Variants in PACRG observed in about 807,000 individuals in gnomAD.
PACRG encodes parkin coregulated.
In PACRG, 29 loss-of-function variants were observed where a neutral mutation model predicts 29.7. That is an observed-to-expected ratio of 0.98 (90% CI 0.73 to 1.33). PACRG has a LOEUF of 1.33. Among genes scored for constraint, PACRG ranks in the 40% most tolerant of loss-of-function variants. The pLI is 0.00. For synonymous variants in PACRG, 116 were observed against 118.7 expected (o/e 0.98, Z 0.15); for missense variants, 279 against 316.2 (o/e 0.88, Z 0.89).
chr6:163,310,489 C>T (rs1388563022), intron 4 of PACRG: 1 of 152,182 alleles, frequency 6.6e-6, no homozygotes, highest in Non-Finnish European at 1.5e-5. Flanking sequence ...GCTTAGTCTA[C>T]AGGGAGGACA....
intron 4 of PACRG, chr6:163,182,660 AAG>A (rs1165306942): frequency 1.3e-5 from 2 of 152,260 alleles, no homozygotes; most frequent in Non-Finnish European, 2.9e-5. Context: ...ATCCTTATGA[AAG>A]AGTAATTTCT....
chr6:162,731,680 C>A (rs1459440674), intron 1 of PACRG, among the ~76,000 whole-genome samples: 2 of 151,896 alleles, frequency 1.3e-5, no homozygotes, highest in Non-Finnish European at 2.9e-5. Flanking sequence ...ACTTCTGGTC[C>A]CAAGCATTTC....
intron 2 of PACRG, among the ~76,000 whole-genome samples, chr6:162,908,486 A>G (rs112756129): frequency 2.0e-5 from 3 of 152,284 alleles, no homozygotes; most frequent in African/African-American, 7.2e-5. Flanking sequence ...TTTTATCACA[A>G]TGCATCACTC....
intron 2 of PACRG, among the ~76,000 whole-genome samples, chr6:162,942,784 G>A (rs959127657): frequency 1.3e-5 from 2 of 152,096 alleles, no homozygotes; most frequent in African/African-American, 4.8e-5. Flanking sequence ...GCCAGAAATC[G>A]TATATGGAGG....
At chr6:163,241,499 T>G (rs1005798585) in intron 4 of PACRG, among the ~76,000 whole-genome samples, 1 of 152,170 alleles carries the variant, frequency 6.6e-6, no homozygotes, top group Admixed American at 6.5e-5. Context: ...CCAGGAGCCC[T>G]CATACCCTGC....
In PACRG at chr6:162,747,393, T is replaced by TATATATATAACTATAA. The variant is rs1562556815; in HGVS notation, c.156+19010_156+19011insAACTATAAATATATAT. ...ATACATATATATGTATATATATGTATATATATATGTATATATATATATAAC... is the reference window on the plus strand; with the variant it reads ...ATACATATATATGTATATATATGTATATATATATAACTATAAATATATATGTATATATATATATAAC... On this transcript the variant is annotated intron_variant, in intron 1 of 4. Coordinates refer to ENST00000366888, the MANE Select transcript of PACRG (RefSeq NM_001080379.2). Among the ~76,000 whole-genome samples the TATATATATAACTATAA allele has an allele frequency of 5.5e-3, 204 of 36,834 alleles. 6 individuals are homozygous for TATATATATAACTATAA. Among genetic ancestry groups the TATATATATAACTATAA allele is most frequent in the South Asian group, 0.015 (9 of 618 alleles). 24.2% of individuals were successfully genotyped at this position (36,834 alleles called of 152,430 possible). A position where few individuals can be genotyped will look rare whatever the true frequency, so the allele number is the denominator to read the frequency against.
At chr6:163,174,050 C>T (rs544148194) in intron 4 of PACRG, among the ~76,000 whole-genome samples, 36 of 152,256 alleles carry the variant, frequency 2.4e-4, no homozygotes, top group African/African-American at 7.7e-4. Flanking sequence ...AGCCACGCAC[C>T]GCACTTTTTT....
intron 4 of PACRG, among the ~76,000 whole-genome samples, chr6:163,112,594 G>A (rs1454878306): frequency 6.6e-6 from 1 of 151,094 alleles, no homozygotes; most frequent in African/African-American, 2.4e-5. Flanking sequence ...TGCTTCTTTT[G>A]GAAACCAGGC....
At chr6:162,995,008 T>C (rs1803841162) in intron 2 of PACRG, among the ~76,000 whole-genome samples, 1 of 150,734 alleles carries the variant, frequency 6.6e-6, no homozygotes, top group Non-Finnish European at 1.5e-5. Flanking sequence ...CCGAGTGAGG[T>C]GTCAGTGTGC....
chr6:163,231,916 C>T (rs1782059623), intron 4 of PACRG, among the ~76,000 whole-genome samples: 1 of 152,238 alleles, frequency 6.6e-6, no homozygotes, highest in Non-Finnish European at 1.5e-5. Context: ...GTCCCGGCTT[C>T]ACTCTCAGCT....
intron 4 of PACRG, chr6:163,090,395 G>C (rs1229677346): frequency 6.6e-6 from 1 of 152,128 alleles, no homozygotes; most frequent in Non-Finnish European, 1.5e-5. Flanking sequence ...TTAGAAAAAG[G>C]ACTTCAAACT....
At position 162,936,685 on chromosome 6, in the gene PACRG, A is replaced by G. The variant is rs1204267328; in HGVS notation, c.291+122404A>G. Among the ~76,000 whole-genome samples the G allele has an allele frequency of 5.9e-5, 9 of 152,142 alleles. No individual in the cohort carries two copies. In the South Asian group the frequency reaches 1.0e-3, roughly 17 times the overall value. On this transcript the variant is annotated intron_variant, in intron 2 of 4. Coordinates refer to ENST00000366888, the MANE Select transcript of PACRG (RefSeq NM_001080379.2). ...CTTAATATTATATATTGCTTTGTTAAGCATGCATTCTAAATATTGCTTCTG... is the reference window on the plus strand; with the variant it reads ...CTTAATATTATATATTGCTTTGTTAGGCATGCATTCTAAATATTGCTTCTG...
intron 2 of PACRG, among the ~76,000 whole-genome samples, chr6:162,968,048 A>T (rs1028174174): frequency 1.3e-5 from 2 of 152,218 alleles, no homozygotes; most frequent in African/African-American, 4.8e-5. Context: ...GATTACTTAC[A>T]TAGTGAGTTA....
At chr6:163,304,396 C>T (rs1431956199) in intron 4 of PACRG, among the ~76,000 whole-genome samples, 1 of 152,218 alleles carries the variant, frequency 6.6e-6, no homozygotes, top group Non-Finnish European at 1.5e-5. Context: ...TTTACTTATA[C>T]TTTCATTCAT....
chr6:162,832,971 A>G (rs75684173), intron 2 of PACRG, among the ~76,000 whole-genome samples: 9,858 of 152,114 alleles, frequency 0.065, 470 homozygotes, highest in East Asian at 0.26. Context: ...TCTTTTTTAT[A>G]TAATTTATGA....
rs200076248 is a variant in PACRG at position 163,272,892 on chromosome 6, C to CTTTTTTTTTTTTTTTT, written c.614-41933_614-41918dup. On this transcript the variant is annotated intron_variant, in intron 4 of 4. Coordinates refer to ENST00000366888, the MANE Select transcript of PACRG (RefSeq NM_001080379.2). Reference sequence around the variant, plus strand: ...AAACATTTGGTAATGATGCATCATTCTTTTTTTTTTTTTTTTTGAGACGGA... The same window carrying CTTTTTTTTTTTTTTTT: ...AAACATTTGGTAATGATGCATCATTCTTTTTTTTTTTTTTTTTTTTTTTTTTTTTTTTTGAGACGGA... Among the ~76,000 whole-genome samples the CTTTTTTTTTTTTTTTT allele has an allele frequency of 4.2e-4, 46 of 109,460 alleles. 4 individuals are homozygous for CTTTTTTTTTTTTTTTT. The highest frequency in any genetic ancestry group is 8.8e-4 in the African/African-American group (23 of 26,036). The allele number at this position is 109,460 out of a possible 152,430, so 71.8% of individuals were successfully genotyped here.
intron 1 of PACRG, among the ~76,000 whole-genome samples, chr6:162,746,793 CCT>C (rs1039841806): frequency 3.3e-5 from 5 of 152,036 alleles, no homozygotes. Context: ...ATGTCCATCC[CCT>C]GTTTTACATT....
chr6:162,728,329 C>T lies in PACRG; in HGVS notation c.94C>T (p.His32Tyr), dbSNP rs372677454. 38 of 1,613,872 alleles carry T rather than the reference C, an allele frequency of 2.4e-5. No homozygotes were observed. The Middle Eastern group carries it at 4.9e-4, about 21-fold the overall frequency. The stretch of plus-strand genomic sequence containing the variant: ...GCTGGCACAACAGCCGCTCCCGGTG[C>T]ACCAGCCTCACTCTCTGGTTTCTGA... ...KLLAQQPLPV[H>Y]QPHSLVSEGF... The change falls in exon 1 of 5, where the codon CAC (histidine) becomes TAC (tyrosine). Residue 32 changes from histidine to tyrosine, a missense_variant. Coordinates refer to ENST00000366888, the MANE Select transcript of PACRG (RefSeq NM_001080379.2).
chr6:163,129,659 T>A (rs1208088214), intron 4 of PACRG, among the ~76,000 whole-genome samples: 1 of 152,200 alleles, frequency 6.6e-6, no homozygotes, highest in Non-Finnish European at 1.5e-5. Context: ...TCCATCTTCC[T>A]ACTGATCACA....
Sources: gnomAD v4.1 joint callset for allele counts (sites outside exome capture counted in the v4.1 genomes callset) on GRCh38, gnomAD v4.1.1 for gene constraint, MANE v1.5 for transcripts, NCBI Gene and HGNC (gene_info 2026-07-23, HGNC 2026-07-21) for gene names.